SUFU: variants seen among roughly 807,000 people sequenced by gnomAD.
SUFU encodes the protein SUFU negative regulator of hedgehog signaling, also known as suppressor of fused homolog.
A neutral mutation model predicts 58.9 loss-of-function variants in SUFU; 7 were observed. The observed-to-expected ratio is 0.12, with a 90% CI of 0.07 to 0.22. The LOEUF (loss-of-function observed/expected upper bound fraction) is 0.22. Among genes scored for constraint, SUFU ranks in the 10% least tolerant of loss-of-function variants. The probability of loss-of-function intolerance (pLI) is 1.00; values close to 1 mark genes in which losing one functional copy is unlikely to be tolerated. For missense variants in SUFU, 451 were observed against 641.3 expected, an observed-to-expected ratio of 0.70 and a Z score of 3.20; for synonymous variants, 232 against 254.8, an observed-to-expected ratio of 0.91 and a Z score of 0.85.
At chr10:102,624,501 C>G (rs2135949343) in intron 10 of SUFU, among the ~76,000 whole-genome samples, 1 of 152,312 alleles carries the variant, frequency 6.6e-6, no homozygotes, top group South Asian at 2.1e-4. Flanking sequence ...TCATGTAGAT[C>G]TCATGTATAA....
At chr10:102,514,244 TCA>T (rs929203006) in intron 2 of SUFU, among the ~76,000 whole-genome samples, 5 of 152,090 alleles carry the variant, frequency 3.3e-5, no homozygotes, top group Non-Finnish European at 7.4e-5. Flanking sequence ...TTCCTTCTCC[TCA>T]CAGCCTGTTG....
At chr10:102,612,281 C>G (rs1158874214) in intron 8 of SUFU, among the ~76,000 whole-genome samples, 4 of 151,898 alleles carry the variant, frequency 2.6e-5, no homozygotes, top group Non-Finnish European at 5.9e-5. Flanking sequence ...TACCCAAGCT[C>G]CAGGACTGCA....
At chr10:102,547,443 A>T (rs1241541554) in intron 2 of SUFU, among the ~76,000 whole-genome samples, 1 of 152,186 alleles carries the variant, frequency 6.6e-6, no homozygotes, top group Admixed American at 6.6e-5. Flanking sequence ...GGTCTCCAAA[A>T]TTCCACGTGT....
intron 2 of SUFU, among the ~76,000 whole-genome samples, chr10:102,516,123 TTC>T (rs1209100763): frequency 1.1e-4 from 9 of 81,234 alleles, no homozygotes; most frequent in South Asian, 3.9e-4. Context: ...TTTCTTTCTT[TTC>T]TTTTTTTTTT....
chr10:102,613,564 T>A (rs1350325145), intron 8 of SUFU, among the ~76,000 whole-genome samples: 1 of 152,266 alleles, frequency 6.6e-6, no homozygotes, highest in Non-Finnish European at 1.5e-5. Context: ...AGGTTGGGCC[T>A]GCCCCTCAGT....
chr10:102,560,570 GTC>G (rs1302536709), intron 3 of SUFU, among the ~76,000 whole-genome samples: 2 of 152,006 alleles, frequency 1.3e-5, no homozygotes, highest in Non-Finnish European at 2.9e-5. Flanking sequence ...GCAAGACTCA[GTC>G]TCAAAAAAAA....
chr10:102,535,316 C>T (rs1429100205), intron 2 of SUFU, among the ~76,000 whole-genome samples: 1 of 151,936 alleles, frequency 6.6e-6, no homozygotes, highest in Non-Finnish European at 1.5e-5. Context: ...GAAACCTCGT[C>T]TCTACTAAAA....
chr10:102,563,863 CAG>C (rs2063063287), intron 3 of SUFU, among the ~76,000 whole-genome samples: 1 of 151,524 alleles, frequency 6.6e-6, no homozygotes, highest in African/African-American at 2.4e-5. Context: ...GCAGAAGGGA[CAG>C]GGGCTGCTGC....
intron 10 of SUFU, chr10:102,618,769 T>A (rs1373613846): frequency 1.6e-5 from 8 of 502,464 alleles, no homozygotes; most frequent in African/African-American, 1.5e-4. Flanking sequence ...AGGGCCTCCC[T>A]CCATTCCCTA....
chr10:102,606,022 A>T (rs1008305192), intron 8 of SUFU, among the ~76,000 whole-genome samples: 1 of 152,230 alleles, frequency 6.6e-6, no homozygotes, highest in African/African-American at 2.4e-5. Context: ...ACTGAATGGG[A>T]CCAATGCCCT....
chr10:102,535,953 A>ATGG (rs779083843), intron 2 of SUFU, among the ~76,000 whole-genome samples: 16 of 151,566 alleles, frequency 1.1e-4, no homozygotes, highest in Non-Finnish European at 1.9e-4. Flanking sequence ...GATGATGATG[A>ATGG]TGATGATGAT....
intron 5 of SUFU, 93 bp downstream of exon 5, chr10:102,593,814 T>C: frequency 6.9e-7 from 1 of 1,451,454 alleles, no homozygotes; most frequent in Admixed American, 1.8e-5. Context: ...TCTTGCGTTG[T>C]TATTTCAGAC....
At position 102,615,346 on chromosome 10, in the gene SUFU, G is replaced by A; in HGVS notation, c.1101G>A (p.Glu367=). The part of the protein sequence containing the change: ...PHELIRTRQL[E]SVHLKFNQES... ...AGCTGATTCGCACGCGGCAGCTTGA[G>A]AGCGTACATCTGAAATTCAACCAGG... Residue 367 remains glutamate (E), a synonymous_variant, in exon 9 of 12, where the codon GAG becomes GAA. Transcript: ENST00000369902. 1.9e-6 allele frequency: 3 copies of A among 1,614,160 alleles called. No homozygotes were observed. The highest frequency in any genetic ancestry group is 2.5e-6 in the Non-Finnish European group (3 of 1,180,016).
chr10:102,582,576 G>A (rs2063293149), intron 3 of SUFU, among the ~76,000 whole-genome samples: 1 of 152,178 alleles, frequency 6.6e-6, no homozygotes, highest in Non-Finnish European at 1.5e-5. Context: ...CGTTTTCAGA[G>A]TTCTTGCCCA....
At chr10:102,515,059 G>T (rs758071113) in intron 2 of SUFU, among the ~76,000 whole-genome samples, 2 of 152,212 alleles carry the variant, frequency 1.3e-5, no homozygotes, top group Non-Finnish European at 2.9e-5. Context: ...CACATGTCCA[G>T]TGGAGTTTGG....
chr10:102,568,950 ATATATATATATATC>A (rs2063132907), intron 3 of SUFU, among the ~76,000 whole-genome samples: 11 of 98,370 alleles, frequency 1.1e-4, no homozygotes, highest in South Asian at 7.5e-4. Flanking sequence ...ATATATATAT[ATATATATATATATC>A]TATAGCAGTG....
intron 9 of SUFU, 62 bp downstream of exon 9, chr10:102,615,464 C>G: frequency 1.2e-6 from 2 of 1,611,940 alleles, no homozygotes; most frequent in Non-Finnish European, 1.7e-6. Context: ...CTCCAGGGGG[C>G]ACTTCAGAGC....
intron 2 of SUFU, among the ~76,000 whole-genome samples, chr10:102,544,984 A>G (rs1251468354): frequency 6.6e-6 from 1 of 152,198 alleles, no homozygotes; most frequent in Non-Finnish European, 1.5e-5. Context: ...TTCATTGTAC[A>G]GGTATACCAT....
intron 2 of SUFU, among the ~76,000 whole-genome samples, chr10:102,531,216 C>G (rs1191270541): frequency 6.6e-6 from 1 of 152,122 alleles, no homozygotes; most frequent in African/African-American, 2.4e-5. Context: ...GATCATGCCA[C>G]TGCACTCCAG....
Sources: gnomAD v4.1 joint callset for allele counts (sites outside exome capture counted in the v4.1 genomes callset) on GRCh38, gnomAD v4.1.1 for gene constraint, MANE v1.5 for transcripts, NCBI Gene and HGNC (gene_info 2026-07-23, HGNC 2026-07-21) for gene names.